The following EIF5B variants were observed in gnomAD, a reference collection of about 807,000 sequenced individuals.
EIF5B encodes the protein eukaryotic translation initiation factor 5B.
EIF5B carries 47 observed loss-of-function variants against 147.5 expected under a neutral mutation model. The observed-to-expected ratio is 0.32, with a 90% confidence interval of 0.25 to 0.41. The LOEUF (loss-of-function observed/expected upper bound fraction) is 0.41, where lower values mean the gene tolerates loss of function less well. Among genes scored for constraint, EIF5B ranks in the 10% least tolerant of loss-of-function variants. The pLI is 1.00. For synonymous variants in EIF5B, 455 were observed against 456.2 expected, an observed-to-expected ratio of 1.00 and a Z score of 0.03; for missense variants, 1,064 against 1,413.2, an observed-to-expected ratio of 0.75 and a Z score of 3.96.
chr2:99,379,895 T>G (rs181867247), intron 12 of EIF5B, among the ~76,000 whole-genome samples: 2 of 152,328 alleles, frequency 1.3e-5, no homozygotes, highest in Admixed American at 1.3e-4. Flanking sequence ...CACACCACCC[T>G]TTAAGTGTCA....
chr2:99,343,634 A>T (rs1371381724), intron 1 of EIF5B, among the ~76,000 whole-genome samples: 1 of 151,812 alleles, frequency 6.6e-6, no homozygotes, highest in Non-Finnish European at 1.5e-5. Context: ...CCTGGCCAAC[A>T]TGGCAAAACC....
chr2:99,384,005 C>T (rs1021474148), intron 14 of EIF5B, among the ~76,000 whole-genome samples: 2 of 151,712 alleles, frequency 1.3e-5, no homozygotes, highest in Admixed American at 6.6e-5. Flanking sequence ...GTCAGGAGAT[C>T]GAGACCAAGG....
chr2:99,347,539 A>C (rs1022204692), intron 1 of EIF5B, among the ~76,000 whole-genome samples: 1 of 150,450 alleles, frequency 6.6e-6, no homozygotes, highest in East Asian at 2.0e-4. Flanking sequence ...GAGATTTTGC[A>C]TTTTCAATAA....
Position 99,368,594 on chromosome 2 carries a change from T to A in EIF5B, c.1387+3T>A, listed in dbSNP as rs752539378. 3.7e-6 allele frequency: 6 copies of A among 1,603,044 alleles called. No homozygotes were observed. In the South Asian group the frequency reaches 5.5e-5, roughly 15 times the overall value. ...ACAGCAGCTAGAAAGTAAAGAAGGTTTGTATACAAAATAGCCTCTAATTTA... is the reference window on the plus strand; with the variant it reads ...ACAGCAGCTAGAAAGTAAAGAAGGTATGTATACAAAATAGCCTCTAATTTA... On this transcript the variant is annotated splice_donor_region_variant and intron_variant, in intron 7 of 23. Coordinates refer to ENST00000289371, the MANE Select transcript of EIF5B (RefSeq NM_015904.4).
intron 14 of EIF5B, among the ~76,000 whole-genome samples, chr2:99,386,851 T>A (rs1674820367): frequency 6.6e-6 from 1 of 152,110 alleles, no homozygotes; most frequent in African/African-American, 2.4e-5. Flanking sequence ...AGCCTCCTTT[T>A]CTTAATAGTG....
chr2:99,346,240 G>T (rs2094273180), intron 1 of EIF5B, among the ~76,000 whole-genome samples: 1 of 152,178 alleles, frequency 6.6e-6, no homozygotes. Context: ...TACCAAGGGT[G>T]ACCATGAGGA....
intron 1 of EIF5B, among the ~76,000 whole-genome samples, chr2:99,353,439 G>T (rs544914787): frequency 1.3e-5 from 2 of 152,206 alleles, no homozygotes; most frequent in Non-Finnish European, 2.9e-5. Flanking sequence ...GATTACAGGC[G>T]TGAGCCACTG....
chr2:99,384,364 A>G (rs1674755787), intron 14 of EIF5B, among the ~76,000 whole-genome samples: 2 of 152,178 alleles, frequency 1.3e-5, no homozygotes, highest in Non-Finnish European at 2.9e-5. Context: ...ACTGCTTGCT[A>G]ACAGTGTACC....
rs190174911 is a variant in EIF5B at position 99,346,024 on chromosome 2, C to T, written c.35+8435C>T. Among the ~76,000 whole-genome samples, 343 of 151,794 alleles carry T rather than the reference C, an allele frequency of 2.3e-3. 4 individuals carry two copies. Among genetic ancestry groups the T allele is most frequent in the African/African-American group, 8.1e-3 (334 of 41,336 alleles). ...CAAAGGGAGTTACGTTTTAACATAG[C>T]AAATAGGCATATGCACAGATAATAC... On this transcript the variant is annotated intron_variant, in intron 1 of 23. Coordinates refer to ENST00000289371, the MANE Select transcript of EIF5B (RefSeq NM_015904.4).
chr2:99,384,613 C>T (rs1299000870), intron 14 of EIF5B, among the ~76,000 whole-genome samples: 1 of 152,176 alleles, frequency 6.6e-6, no homozygotes, highest in Non-Finnish European at 1.5e-5. Flanking sequence ...TTATGAAGAA[C>T]GTTCATGATC....
chr2:99,392,454 A>G (rs1674958399), intron 17 of EIF5B, among the ~76,000 whole-genome samples: 1 of 152,206 alleles, frequency 6.6e-6, no homozygotes, highest in Admixed American at 6.5e-5. Flanking sequence ...ACTTGTCTAC[A>G]GTGGGTGTAA....
intron 17 of EIF5B, among the ~76,000 whole-genome samples, chr2:99,392,616 G>T (rs1674961162): frequency 6.6e-6 from 1 of 152,044 alleles, no homozygotes; most frequent in South Asian, 2.1e-4. Context: ...TAACCTGGTT[G>T]GTCATTTAAA....
At chr2:99,351,438 G>C (rs1166328339) in intron 1 of EIF5B, among the ~76,000 whole-genome samples, 1 of 152,266 alleles carries the variant, frequency 6.6e-6, no homozygotes, top group East Asian at 1.9e-4. Context: ...GTCTTTGTGT[G>C]GACATGTATT....
At chr2:99,390,147 T>C in intron 15 of EIF5B, 72 bp from the exon 16 acceptor site, 2 of 1,555,116 alleles carry the variant, frequency 1.3e-6, no homozygotes, top group Admixed American at 1.8e-5. Flanking sequence ...CTCATCCGGC[T>C]TCTAGTGAGG....
intron 9 of EIF5B, among the ~76,000 whole-genome samples, chr2:99,373,627 G>T (rs1227250721): frequency 1.3e-5 from 2 of 152,132 alleles, no homozygotes; most frequent in Admixed American, 1.3e-4. Context: ...GGATCTAGTT[G>T]AGATTTTTTC....
chr2:99,369,397 G>T lies in EIF5B; in HGVS notation c.1393G>T (p.Glu465Ter). 1.2e-6 allele frequency: 2 copies of T among 1,608,626 alleles called. No individual in the cohort carries two copies. Among genetic ancestry groups the T allele is most frequent in the South Asian group, 1.1e-5 (1 of 89,968 alleles). Residue 465 changes from glutamate to a stop codon, truncating the protein, a stop_gained, in exon 8 of 24, where the codon GAA (glutamate) becomes TAA (stop). Coordinates refer to ENST00000289371, the MANE Select transcript of EIF5B (RefSeq NM_015904.4). LOFTEE classifies it high-confidence loss of function. ...PQQLESKEVS[E>*]SMELCAAVEV... The stretch of plus-strand genomic sequence containing the variant: ...GGTTTCTGCCCCTTTTTCAGTGTCT[G>T]AATCAATGGAATTATGTGCTGCTGT...
intron 1 of EIF5B, among the ~76,000 whole-genome samples, chr2:99,352,994 T>G (rs1674007490): frequency 7.5e-6 from 1 of 132,696 alleles, no homozygotes; most frequent in Non-Finnish European, 1.6e-5. Context: ...GGCTAATTTT[T>G]TCTTCTTCTT....
intron 23 of EIF5B, 43 bp downstream of exon 23, chr2:99,398,952 A>G (rs954609316): frequency 1.3e-6 from 2 of 1,594,600 alleles, no homozygotes; most frequent in African/African-American, 2.7e-5. Flanking sequence ...GCAACAGGGA[A>G]TCACTCTTCT....
chr2:99,360,276 A>G lies in EIF5B; in HGVS notation c.76A>G (p.Ile26Val), dbSNP rs751472493. 6 of 1,608,816 alleles carry G rather than the reference A, an allele frequency of 3.7e-6. No homozygotes were observed. The highest frequency in any genetic ancestry group is 3.4e-6 in the Non-Finnish European group (4 of 1,178,544). ...TGATCTTGATGCCTTGGCTGCAGAAATAGAAGGAGCTGGTGCTGCCAAAGA... is the reference window on the plus strand; with the variant it reads ...TGATCTTGATGCCTTGGCTGCAGAAGTAGAAGGAGCTGGTGCTGCCAAAGA... ...DIDLDALAAEIEGAGAAKEQE... is the reference protein window; with the variant it reads ...DIDLDALAAEVEGAGAAKEQE... The change falls in exon 2 of 24, where the codon ATA (isoleucine) becomes GTA (valine). Residue 26 changes from isoleucine (I) to valine (V), a missense_variant. Around this residue, in one of 4 missense-constraint regions of EIF5B, gnomAD observed 458 missense variants for 451.3 expected, o/e 1.01. Coordinates refer to ENST00000289371, the MANE Select transcript of EIF5B (RefSeq NM_015904.4).
Sources: allele counts gnomAD v4.1 joint callset (sites outside exome capture counted in the v4.1 genomes callset), GRCh38; gene constraint gnomAD v4.1.1; regional missense constraint gnomAD v4.1.1; transcripts MANE v1.5; gene names NCBI Gene and HGNC (gene_info 2026-07-23, HGNC 2026-07-21).